The following DAB1 variants were observed in gnomAD, a reference collection of about 807,000 sequenced individuals.
DAB1 encodes DAB adaptor protein 1, also known as disabled homolog 1.
A neutral mutation model predicts 64.6 loss-of-function variants in DAB1; 15 were observed. That is an observed-to-expected ratio of 0.23 (90% CI 0.16 to 0.36). The LOEUF (loss-of-function observed/expected upper bound fraction) is 0.36. Among genes scored for constraint, DAB1 ranks in the 10% least tolerant of loss-of-function variants. DAB1 has a pLI of 1.00. For missense variants in DAB1, 596 were observed against 706.7 expected, an observed-to-expected ratio of 0.84 and a Z score of 1.78; for synonymous variants, 235 against 251.9, an observed-to-expected ratio of 0.93 and a Z score of 0.64.
rs1445939880 is a variant in DAB1, at chr1:57,857,554, T to C, written n.87+26445A>G. Among the ~76,000 whole-genome samples the C allele has an allele frequency of 2.6e-5, 4 of 152,194 alleles. No homozygotes were observed. The East Asian group carries it at 5.8e-4, about 22-fold the overall frequency. ...TAACAACTCTATGAGACAGGTACTA[T>C]TATTACCTCTATTTTATAGATGATG... On this transcript the variant is annotated intron_variant and non_coding_transcript_variant, in intron 1 of 1. Transcript: ENST00000477280.
chr1:57,924,624 T>TA (rs56001231), intron 5 of DAB1, among the ~76,000 whole-genome samples: 3,302 of 95,960 alleles, frequency 0.034, 83 homozygotes, highest in Middle Eastern at 0.094. Context: ...CACACTTGGC[T>TA]AATTTTTTTT....
chr1:58,499,967 GA>G (rs890548462), intron 3 of DAB1, among the ~76,000 whole-genome samples: 4 of 151,712 alleles, frequency 2.6e-5, no homozygotes, highest in Admixed American at 6.6e-5. Context: ...AAAAAAAGAA[GA>G]AAAAAATGGA....
At chr1:57,785,446 C>T (rs897586360) in intron 6 of DAB1, among the ~76,000 whole-genome samples, 5 of 152,188 alleles carry the variant, frequency 3.3e-5, no homozygotes, top group Non-Finnish European at 5.9e-5. Context: ...GAAAAAGATT[C>T]ATCATTCTTC....
intron 2 of DAB1, among the ~76,000 whole-genome samples, chr1:57,254,917 A>G (rs1156799356): frequency 1.3e-5 from 2 of 152,168 alleles, no homozygotes; most frequent in African/African-American, 4.8e-5. Flanking sequence ...CACTTAGATC[A>G]TAAGTATCTT....
At chr1:57,840,156 T>C (rs1204135181) in intron 1 of DAB1, among the ~76,000 whole-genome samples, 1 of 152,222 alleles carries the variant, frequency 6.6e-6, no homozygotes, top group Non-Finnish European at 1.5e-5. Flanking sequence ...GTCAACAGGA[T>C]GCATTTTGTG....
intron 1 of DAB1, among the ~76,000 whole-genome samples, chr1:57,397,541 G>C (rs1436059322): frequency 1.3e-5 from 2 of 152,178 alleles, no homozygotes; most frequent in African/African-American, 4.8e-5. Context: ...GCTGGGCTCT[G>C]AGGAAAGGAG....
intron 5 of DAB1, among the ~76,000 whole-genome samples, chr1:58,015,523 C>T (rs900541840): frequency 1.3e-5 from 2 of 152,176 alleles, no homozygotes; most frequent in African/African-American, 4.8e-5. Context: ...GCCAAGACTA[C>T]CCATGACAAG....
intron 2 of DAB1, among the ~76,000 whole-genome samples, chr1:57,158,563 A>G (rs772793477): frequency 8.5e-5 from 13 of 152,186 alleles, no homozygotes; most frequent in Non-Finnish European, 1.6e-4. Context: ...TAGGCTATCC[A>G]ATTTAAGAAC....
intron 5 of DAB1, among the ~76,000 whole-genome samples, chr1:58,001,812 C>G (rs1387455598): frequency 6.6e-6 from 1 of 152,124 alleles, no homozygotes; most frequent in African/African-American, 2.4e-5. Context: ...AGAGTCTTTG[C>G]TGATATCAGT....
intron 5 of DAB1, among the ~76,000 whole-genome samples, chr1:57,921,704 G>C (rs1376539791): frequency 6.6e-6 from 1 of 151,726 alleles, no homozygotes; most frequent in Non-Finnish European, 1.5e-5. Flanking sequence ...ACTTCCCACT[G>C]GTCTCTTCCC....
At chr1:57,134,154 T>C (rs1196166103) in intron 4 of DAB1, among the ~76,000 whole-genome samples, 1 of 152,156 alleles carries the variant, frequency 6.6e-6, no homozygotes, top group African/African-American at 2.4e-5. Flanking sequence ...GCAGTCCATT[T>C]AACTGCCGAC....
At chr1:57,487,604 C>A (rs1478127011) in intron 7 of DAB1, among the ~76,000 whole-genome samples, 1 of 152,136 alleles carries the variant, frequency 6.6e-6, no homozygotes, top group African/African-American at 2.4e-5. Context: ...CTAATTCTAC[C>A]CTCTGAAATT....
At chr1:57,494,270 T>C in intron 7 of DAB1, among the ~76,000 whole-genome samples, 1 of 151,990 alleles carries the variant, frequency 6.6e-6, no homozygotes, top group Middle Eastern at 3.4e-3. Flanking sequence ...TTTTTTTACA[T>C]TCTAATCATT....
intron 5 of DAB1, among the ~76,000 whole-genome samples, chr1:57,904,756 AT>A (rs1385773719): frequency 6.9e-4 from 105 of 152,304 alleles, no homozygotes; most frequent in African/African-American, 2.2e-3. Flanking sequence ...AGGATCTAAA[AT>A]AAAGCCAGCG....
chr1:58,187,565 ATATTATTAT>A (rs377009640), intron 4 of DAB1, among the ~76,000 whole-genome samples: 1,624 of 148,124 alleles, frequency 0.011, 32 homozygotes, highest in African/African-American at 0.038. Flanking sequence ...TATATTTTAT[ATATTATTAT>A]TATTATTATT....
intron 4 of DAB1, among the ~76,000 whole-genome samples, chr1:57,134,944 A>G (rs967471087): frequency 2.0e-5 from 3 of 152,182 alleles, no homozygotes; most frequent in Non-Finnish European, 2.9e-5. Flanking sequence ...CTGGCACATA[A>G]TATGTATTTG....
intron 5 of DAB1, among the ~76,000 whole-genome samples, chr1:57,922,540 C>T (rs1002559049): frequency 2.4e-4 from 37 of 152,030 alleles, no homozygotes; most frequent in African/African-American, 7.5e-4. Context: ...CTCCATCCTA[C>T]GAGATGTTCC....
chr1:57,974,934 C>T (rs1003801257), intron 5 of DAB1, among the ~76,000 whole-genome samples: 2 of 152,090 alleles, frequency 1.3e-5, no homozygotes, highest in Non-Finnish European at 2.9e-5. Context: ...TGGTGTATAG[C>T]TTGGAGATAC....
intron 4 of DAB1, among the ~76,000 whole-genome samples, chr1:58,224,443 G>C (rs1200118447): frequency 6.6e-6 from 1 of 152,160 alleles, no homozygotes; most frequent in African/African-American, 2.4e-5. Context: ...AAGATGAACA[G>C]CAACAATGCT....
Sources: gnomAD v4.1 joint callset for allele counts (sites outside exome capture counted in the v4.1 genomes callset) on GRCh38, gnomAD v4.1.1 for gene constraint, MANE v1.5 for transcripts, NCBI Gene and HGNC (gene_info 2026-07-23, HGNC 2026-07-21) for gene names.